Variants in TICAM2 observed in about 807,000 individuals in gnomAD.
The protein encoded by TICAM2 is TIR domain-containing adapter molecule 2.
A neutral mutation model predicts 7.3 loss-of-function variants in TICAM2; 8 were observed. That is an observed-to-expected ratio of 1.10 (90% CI 0.65 to 1.99). The LOEUF is 1.99. Among genes scored for constraint, TICAM2 ranks in the 30% most tolerant of loss-of-function variants. The pLI, the probability that TICAM2 is intolerant of heterozygous loss-of-function variation, is 0.00. For synonymous variants in TICAM2, 113 were observed against 99.6 expected (o/e 1.13, Z -0.80); for missense variants, 304 against 278.8 (o/e 1.09, Z -0.65).
At chr5:115,597,692 G>A (rs1755561820) in intron 1 of TICAM2, among the ~76,000 whole-genome samples, 1 of 152,166 alleles carries the variant, frequency 6.6e-6, no homozygotes, top group Admixed American at 6.5e-5. Context: ...CTTAAGGGTA[G>A]GGAAGACTGA....
intron 1 of TICAM2, among the ~76,000 whole-genome samples, chr5:115,586,572 G>T (rs76425426): frequency 0.02 from 3,033 of 152,212 alleles, 50 homozygotes; most frequent in Middle Eastern, 0.061. Flanking sequence ...GTGCTTAACC[G>T]ACTTCAAATG....
intron 1 of TICAM2, among the ~76,000 whole-genome samples, chr5:115,585,603 T>C (rs796712983): frequency 3.3e-5 from 5 of 152,272 alleles, no homozygotes; most frequent in African/African-American, 1.2e-4. Context: ...AAAGATGAGA[T>C]AAATTAACAG....
In TICAM2 at chr5:115,579,980, A is replaced by T. The variant is rs1754857316; in HGVS notation, c.*569T>A. 2 of 152,284 alleles carry T rather than the reference A, an allele frequency of 1.3e-5. No individual in the cohort carries two copies. Among genetic ancestry groups the T allele is most frequent in the Admixed American group, 6.5e-5 (1 of 15,280 alleles). 9.4% of individuals were successfully genotyped at this position (152,284 alleles called of 1,614,324 possible). A position where few individuals can be genotyped will look rare whatever the true frequency, so the allele number is the denominator to read the frequency against. On this transcript the variant is annotated 3_prime_UTR_variant, in exon 2 of 2. Coordinates refer to ENST00000427199, the MANE Select transcript of TICAM2 (RefSeq NM_021649.7). ...ATATGCAGATTTCAGCAGAAAATAC[A>T]TTTGACTGGGTTCTTTTAAAAAGTT...
At chr5:115,586,956 C>G (rs994848410) in intron 1 of TICAM2, among the ~76,000 whole-genome samples, 1 of 152,114 alleles carries the variant, frequency 6.6e-6, no homozygotes, top group African/African-American at 2.4e-5. Context: ...GCACGGGACG[C>G]TTCACCCTTG....
chr5:115,583,865 C>A (rs1250326382), intron 1 of TICAM2, among the ~76,000 whole-genome samples: 1 of 152,126 alleles, frequency 6.6e-6, no homozygotes, highest in African/African-American at 2.4e-5. Flanking sequence ...CTTTAAAGTT[C>A]TCCTCCTCCA....
chr5:115,589,283 C>A (rs762899466), intron 1 of TICAM2, among the ~76,000 whole-genome samples: 5 of 152,190 alleles, frequency 3.3e-5, no homozygotes, highest in African/African-American at 4.8e-5. Flanking sequence ...GTGTGCCAAG[C>A]TCTGCCGAGC....
intron 1 of TICAM2, among the ~76,000 whole-genome samples, chr5:115,583,331 A>C (rs1425619098): frequency 6.6e-6 from 1 of 152,252 alleles, no homozygotes; most frequent in African/African-American, 2.4e-5. Flanking sequence ...GGAATATAAC[A>C]GCTATTTATA....
intron 1 of TICAM2, among the ~76,000 whole-genome samples, chr5:115,583,258 A>G (rs1377060889): frequency 1.3e-5 from 2 of 152,216 alleles, no homozygotes; most frequent in Admixed American, 6.5e-5. Context: ...AAAATGATCT[A>G]CACTTATCAC....
chr5:115,599,614 CAA>C (rs1755642520), intron 1 of TICAM2, among the ~76,000 whole-genome samples: 1 of 152,164 alleles, frequency 6.6e-6, no homozygotes, highest in Non-Finnish European at 1.5e-5. Flanking sequence ...GGCCCAGCAG[CAA>C]AAGAGATCTT....
intron 1 of TICAM2, among the ~76,000 whole-genome samples, chr5:115,583,047 C>T (rs977318363): frequency 2.0e-5 from 3 of 152,172 alleles, no homozygotes; most frequent in Non-Finnish European, 4.4e-5. Context: ...GGCATAATAA[C>T]TCTAAAATGT....
chr5:115,597,511 G>A (rs1580419987), intron 1 of TICAM2, among the ~76,000 whole-genome samples: 2 of 152,258 alleles, frequency 1.3e-5, no homozygotes, highest in East Asian at 3.9e-4. Flanking sequence ...GTTTATGAAT[G>A]TTATGAACAA....
At chr5:115,582,098 A>C (rs1487793643) in intron 1 of TICAM2, among the ~76,000 whole-genome samples, 1 of 152,212 alleles carries the variant, frequency 6.6e-6, no homozygotes, top group Non-Finnish European at 1.5e-5. Flanking sequence ...TGAAATCAAC[A>C]AAGAATGATT....
chr5:115,583,484 A>G (rs1239149640), intron 1 of TICAM2, among the ~76,000 whole-genome samples: 2 of 152,250 alleles, frequency 1.3e-5, no homozygotes, highest in East Asian at 3.8e-4. Context: ...TCAGAAATCT[A>G]TGATGTGTTC....
Position 115,580,551 on chromosome 5 carries a change from A to T in TICAM2, c.706T>A (p.Ter236ArgextTer13). The T allele has an allele frequency of 6.3e-7, 1 of 1,587,664 alleles. No individual in the cohort carries two copies. The highest frequency in any genetic ancestry group is 8.5e-7 in the Non-Finnish European group (1 of 1,170,974). The part of the protein sequence containing the change: ...RNMVQRQFIA[*>R] ...AGCCACATGTTATATGTTTCATCTC[A>T]GGCAATAAATTGTCTTTGTACCATA... is the stretch of plus-strand genomic sequence containing the variant. The change falls in exon 2 of 2, where the codon TGA becomes AGA. Residue 236 changes from the stop codon to arginine, a stop_lost. Coordinates refer to ENST00000427199, the MANE Select transcript of TICAM2 (RefSeq NM_021649.7).
At chr5:115,599,866 T>TC (rs1755654694) in intron 1 of TICAM2, among the ~76,000 whole-genome samples, 1 of 151,712 alleles carries the variant, frequency 6.6e-6, no homozygotes, top group Admixed American at 6.6e-5. Context: ...TTTTTTTCTT[T>TC]CTTTTTTTTT....
rs760570311 is a variant in TICAM2 at position 115,580,986 on chromosome 5, C to G, written c.271G>C (p.Asp91His). ...FVILHAEDDT[D>H]EALRVQNLLQ... ...AGATTCTGGACTCTGAGGGCTTCAT[C>G]TGTGTCATCTTCTGCATGCAATATC... The change falls in exon 2 of 2, where the codon GAT becomes CAT. Residue 91 changes from aspartate to histidine, a missense_variant. Physicochemically the swap from Asp to His is moderately conservative, Grantham distance 81. Coordinates refer to ENST00000427199, the MANE Select transcript of TICAM2 (RefSeq NM_021649.7). 6 of 1,613,832 alleles carry G rather than the reference C, an allele frequency of 3.7e-6. No individual in the cohort carries two copies. Among genetic ancestry groups the G allele is most frequent in the Non-Finnish European group, 5.1e-6 (6 of 1,179,884 alleles).
intron 1 of TICAM2, among the ~76,000 whole-genome samples, chr5:115,601,051 TGTAG>T (rs1418441345): frequency 8.5e-5 from 13 of 152,250 alleles, no homozygotes; most frequent in African/African-American, 2.7e-4. Context: ...TTGCTTCAAA[TGTAG>T]GTGTCAATAT....
At chr5:115,593,647 C>T (rs963183636) in intron 1 of TICAM2, among the ~76,000 whole-genome samples, 8 of 151,998 alleles carry the variant, frequency 5.3e-5, no homozygotes, top group African/African-American at 1.9e-4. Context: ...CTCAACAAGA[C>T]TTTTTTTGGT....
chr5:115,593,364 G>A (rs898513847), intron 1 of TICAM2, among the ~76,000 whole-genome samples: 1 of 151,092 alleles, frequency 6.6e-6, no homozygotes, highest in Non-Finnish European at 1.5e-5. Context: ...CAATTCAACT[G>A]TATTTTTGAA....
Sources: allele counts gnomAD v4.1 joint callset (sites outside exome capture counted in the v4.1 genomes callset), GRCh38; gene constraint gnomAD v4.1.1; transcripts MANE v1.5; gene names NCBI Gene and HGNC (gene_info 2026-07-23, HGNC 2026-07-21).